The following DYRK1A variants were observed in gnomAD, a reference collection of about 807,000 sequenced individuals.
DYRK1A encodes the protein dual specificity tyrosine phosphorylation regulated kinase 1A.
In DYRK1A, 9 loss-of-function variants were observed where a neutral mutation model predicts 79.7. That is an observed-to-expected ratio of 0.11 (90% confidence interval 0.07 to 0.20). The LOEUF (loss-of-function observed/expected upper bound fraction) is 0.20, where lower values mean the gene tolerates loss of function less well. DYRK1A is among the 10% of genes least tolerant of loss of function. The pLI is 1.00. For missense variants in DYRK1A, 622 were observed against 956.0 expected, an observed-to-expected ratio of 0.65 and a Z score of 4.61; for synonymous variants, 349 against 329.7, an observed-to-expected ratio of 1.06 and a Z score of -0.63.
rs771460895 is a variant in DYRK1A, at chr21:37,480,808, C to A, written c.471C>A (p.Gly157=). Residue 157 remains glycine, a synonymous_variant, in exon 5 of 12, where the codon GGC becomes GGA. Transcript: ENST00000647188. ...GTTACGAAATTGACTCCTTGATAGG[C>A]AAAGGTTCCTTTGGACAGGTAATTT... is the stretch of plus-strand genomic sequence containing the variant. ...MDRYEIDSLI[G]KGSFGQVVKA... is the part of the protein sequence containing the mutation. The A allele has an allele frequency of 1.9e-6, 3 of 1,601,578 alleles. No homozygotes were observed. Among genetic ancestry groups the A allele is most frequent in the Non-Finnish European group, 2.6e-6 (3 of 1,175,460 alleles).
At chr21:37,382,968 T>A (rs143039381) in intron 1 of DYRK1A, among the ~76,000 whole-genome samples, 1 of 152,344 alleles carries the variant, frequency 6.6e-6, no homozygotes, top group African/African-American at 2.4e-5. Context: ...ATAAACAAGA[T>A]AATCTAACAC....
chr21:37,438,199 A>G (rs2050982790), intron 2 of DYRK1A, among the ~76,000 whole-genome samples: 1 of 152,094 alleles, frequency 6.6e-6, no homozygotes, highest in African/African-American at 2.4e-5. Flanking sequence ...AGAGTTTCTT[A>G]TACATTTGAT....
chr21:37,485,043 T>G (rs1231779819), intron 5 of DYRK1A, among the ~76,000 whole-genome samples: 2 of 152,172 alleles, frequency 1.3e-5, no homozygotes, highest in African/African-American at 2.4e-5. Context: ...CAATCCTGAT[T>G]GCGTATTGAA....
chr21:37,468,942 G>A (rs561971532), intron 2 of DYRK1A, among the ~76,000 whole-genome samples: 2 of 152,180 alleles, frequency 1.3e-5, no homozygotes, highest in East Asian at 3.9e-4. Flanking sequence ...TTCAGAATAT[G>A]GATTTTTAAA....
intron 9 of DYRK1A, chr21:37,503,659 G>GCAGT (rs1404635481): frequency 6.6e-6 from 1 of 152,210 alleles, no homozygotes; most frequent in East Asian, 1.9e-4. Context: ...CTGGACTCAA[G>GCAGT]CAGTCTTCCC....
intron 9 of DYRK1A, chr21:37,504,045 T>C (rs2053526460): frequency 6.6e-6 from 1 of 152,226 alleles, no homozygotes; most frequent in Non-Finnish European, 1.5e-5. Context: ...GCCTCTCAAC[T>C]CTGTCAGGCC....
chr21:37,452,561 T>TA (rs950551586), intron 2 of DYRK1A, among the ~76,000 whole-genome samples: 1 of 152,152 alleles, frequency 6.6e-6, no homozygotes, highest in African/African-American at 2.4e-5. Context: ...ATCTTTTCTA[T>TA]AGCAGTGAGT....
chr21:37,387,547 C>T (rs2049784106), intron 1 of DYRK1A, among the ~76,000 whole-genome samples: 1 of 152,078 alleles, frequency 6.6e-6, no homozygotes, highest in Non-Finnish European at 1.5e-5. Flanking sequence ...TCTTAAGAAC[C>T]ATCTTATAGA....
chr21:37,468,521 G>A (rs2052112465), intron 2 of DYRK1A, among the ~76,000 whole-genome samples: 1 of 152,132 alleles, frequency 6.6e-6, no homozygotes, highest in African/African-American at 2.4e-5. Flanking sequence ...AGGTAAGTCT[G>A]TATCCAGTAG....
chr21:37,432,440 A>C (rs934614058), intron 2 of DYRK1A, among the ~76,000 whole-genome samples: 35 of 152,208 alleles, frequency 2.3e-4, no homozygotes, highest in African/African-American at 7.7e-4. Flanking sequence ...CGTTTTTATG[A>C]AAGATGTCCA....
intron 5 of DYRK1A, among the ~76,000 whole-genome samples, chr21:37,483,780 AC>A (rs1261905709): frequency 6.6e-6 from 1 of 151,952 alleles, no homozygotes. Context: ...GTGAGGTCTT[AC>A]TGTGTTGCCC....
At position 37,486,534 on chromosome 21, in the gene DYRK1A, C is replaced by A; in HGVS notation, c.557C>A (p.Ala186Asp). The change falls in exon 6 of 12, where the codon GCT becomes GAT. Residue 186 changes from alanine (A) to aspartate (D), a missense_variant. Physicochemically the swap from Ala to Asp is moderately radical, Grantham distance 126. Coordinates refer to ENST00000647188, the MANE Select transcript of DYRK1A (RefSeq NM_001347721.2). ...VAIKIIKNKK[A>D]FLNQAQIEVR... The stretch of plus-strand genomic sequence containing the variant: ...ATTAAAATAATAAAGAACAAGAAGG[C>A]TTTTCTGAATCAAGCACAGATAGAA... 6.3e-7 allele frequency: 1 copy of A among 1,598,350 alleles called. No homozygotes were observed. Among genetic ancestry groups the A allele is most frequent in the Non-Finnish European group, 8.5e-7 (1 of 1,173,438 alleles).
At chr21:37,397,150 A>G (rs1366077537) in intron 1 of DYRK1A, among the ~76,000 whole-genome samples, 1 of 152,174 alleles carries the variant, frequency 6.6e-6, no homozygotes, top group Non-Finnish European at 1.5e-5. Context: ...CCACATGGCC[A>G]TACCCAGCCA....
intron 2 of DYRK1A, among the ~76,000 whole-genome samples, chr21:37,451,883 T>C (rs2051464362): frequency 6.6e-6 from 1 of 152,108 alleles, no homozygotes; most frequent in Non-Finnish European, 1.5e-5. Context: ...GTCTTGAAGT[T>C]TGAGTTGAAG....
chr21:37,502,331 A>G (rs1045579138), intron 9 of DYRK1A: 1 of 151,814 alleles, frequency 6.6e-6, no homozygotes, highest in African/African-American at 2.4e-5. Flanking sequence ...TTTGTTTCCT[A>G]TTCCTTCTTT....
chr21:37,495,238 C>T (rs1291746393), intron 8 of DYRK1A, among the ~76,000 whole-genome samples: 1 of 147,948 alleles, frequency 6.8e-6, no homozygotes, highest in Admixed American at 6.8e-5. Context: ...GGTTGGGTGC[C>T]GTACCTCACG....
chr21:37,482,548 G>A (rs2409895), intron 5 of DYRK1A, among the ~76,000 whole-genome samples: 135,121 of 152,230 alleles, frequency 0.89, 60,264 homozygotes, highest in East Asian at 1. Context: ...GGGCGAGATC[G>A]CAGGACCACA....
At chr21:37,367,914 G>T in intron 1 of DYRK1A, 1 of 155,188 alleles carries the variant, frequency 6.4e-6, no homozygotes, top group Non-Finnish European at 1.4e-5. Context: ...ACCTTCACTG[G>T]CCGCCCGAGC....
At chr21:37,494,642 A>C (rs375042027) in intron 8 of DYRK1A, among the ~76,000 whole-genome samples, 7 of 152,032 alleles carry the variant, frequency 4.6e-5, no homozygotes, top group Middle Eastern at 3.4e-3. Context: ...ATCTGACATC[A>C]TGTATTTAAT....
Sources: gnomAD v4.1 joint callset for allele counts (sites outside exome capture counted in the v4.1 genomes callset) on GRCh38, gnomAD v4.1.1 for gene constraint, MANE v1.5 for transcripts, NCBI Gene and HGNC (gene_info 2026-07-23, HGNC 2026-07-21) for gene names.